The following MDH2 variants were observed in gnomAD, a reference collection of about 807,000 sequenced individuals.
MDH2 encodes malate dehydrogenase 2.
In MDH2, 25 loss-of-function variants were observed where a neutral mutation model predicts 33.6. The ratio of observed to expected loss-of-function variants is 0.74; its 90% CI spans 0.54 to 1.04. MDH2 has a LOEUF of 1.04. MDH2 is among the 50% of genes least tolerant of loss of function. The pLI is 0.00. For missense variants in MDH2, 432 were observed against 445.0 expected, an observed-to-expected ratio of 0.97 and a Z score of 0.26; for synonymous variants, 193 against 188.7, an observed-to-expected ratio of 1.02 and a Z score of -0.19.
In MDH2 at chr7:76,053,689, G is replaced by A. The variant is rs151236976; in HGVS notation, c.67-1141G>A. ...TGTCAGGCCCCAGATGACCACACAC[G>A]GTGCCGAGAGTTCCCGTGTCTGCCA... On this transcript the variant is annotated intron_variant, in intron 1 of 8. Coordinates refer to ENST00000315758, the MANE Select transcript of MDH2 (RefSeq NM_005918.4). Among the ~76,000 whole-genome samples, 238 of 152,200 alleles carry A rather than the reference G, an allele frequency of 1.6e-3. 10 individuals carry two copies. In the South Asian group the frequency reaches 0.04, roughly 26 times the overall value.
Position 76,066,517 on chromosome 7 carries a change from G to A in MDH2, c.*107G>A, listed in dbSNP as rs1798101784. 1.5e-6 allele frequency: 2 copies of A among 1,341,022 alleles called. No individual in the cohort carries two copies. Among genetic ancestry groups the A allele is most frequent in the Non-Finnish European group, 2.0e-6 (2 of 1,014,858 alleles). 83.1% of individuals were successfully genotyped at this position (1,341,022 alleles called of 1,614,324 possible). A position where few individuals can be genotyped will look rare whatever the true frequency, so the allele number is the denominator to read the frequency against. On this transcript the variant is annotated 3_prime_UTR_variant, in exon 9 of 9. Coordinates refer to ENST00000315758, the MANE Select transcript of MDH2 (RefSeq NM_005918.4). ...TTAATTTGCTTTGGTGATGATTACT[G>A]TATTGACATCATCATGCCTTCCAAA...
At chr7:76,048,398 G>A in intron 1 of MDH2, 172 bp downstream of exon 1, 1 of 1,168,464 alleles carries the variant, frequency 8.6e-7, no homozygotes, top group Non-Finnish European at 1.1e-6. Flanking sequence ...GCCTGGAGGT[G>A]CGGGGGAGAA....
chr7:76,060,024 A>G (rs1797902281), intron 4 of MDH2, among the ~76,000 whole-genome samples: 1 of 152,176 alleles, frequency 6.6e-6, no homozygotes, highest in African/African-American at 2.4e-5. Context: ...CTTGGAGCAC[A>G]CAGCCGCTGT....
At chr7:76,063,096 C>T (rs1797996691) in intron 5 of MDH2, among the ~76,000 whole-genome samples, 1 of 152,190 alleles carries the variant, frequency 6.6e-6, no homozygotes, top group Non-Finnish European at 1.5e-5. Flanking sequence ...TCTGTGGGGC[C>T]TGAAGAAAAG....
In MDH2 at chr7:76,066,331, A is replaced by G; in HGVS notation, c.938A>G (p.Glu313Gly). ...LGIGKVSSFE[E>G]KMISDAIPEL... is the part of the protein sequence containing the mutation. ...ATCGGCAAAGTCTCCTCTTTTGAGG[A>G]GAAGATGATCTCGGATGCCATCCCC... Residue 313 changes from glutamate (E) to glycine (G), a missense_variant, in exon 9 of 9, where the codon GAG becomes GGG. Transcript: ENST00000315758. The G allele has an allele frequency of 6.2e-7, 1 of 1,611,406 alleles. No homozygotes were observed. The highest frequency in any genetic ancestry group is 8.5e-7 in the Non-Finnish European group (1 of 1,179,266).
chr7:76,048,810 G>C, intron 1 of MDH2: 1 of 1,218,582 alleles, frequency 8.2e-7, no homozygotes. Context: ...TGAGCCTGCC[G>C]CCAGGTGTCT....
At chr7:76,060,731 G>A (rs1294582323) in intron 5 of MDH2, among the ~76,000 whole-genome samples, 2 of 151,870 alleles carry the variant, frequency 1.3e-5, no homozygotes, top group African/African-American at 2.4e-5. Flanking sequence ...CCCGGCTCTC[G>A]CTGTCTTCCT....
chr7:76,064,552 T>C, intron 7 of MDH2, 114 bp downstream of exon 7: 1 of 1,032,194 alleles, frequency 9.7e-7, no homozygotes, highest in Non-Finnish European at 1.4e-6. Flanking sequence ...AGTGTTGATT[T>C]GCAGTTGCCT....
chr7:76,066,564 C>T lies in MDH2; in HGVS notation c.*154C>T. ...CAAATTGTGGGTGGCTCTGTGGGCG[C>T]ATCAATAAAAGCCGTCCTTGATTTT... On this transcript the variant is annotated 3_prime_UTR_variant, in exon 9 of 9. Transcript: ENST00000315758. The T allele has an allele frequency of 4.4e-6, 4 of 918,488 alleles. No individual in the cohort carries two copies. The highest frequency in any genetic ancestry group is 2.8e-5 in the South Asian group (1 of 36,192). The allele number at this position is 918,488 out of a possible 1,614,324, so 56.9% of individuals were successfully genotyped here.
At chr7:76,055,240 AAGT>A (rs1554586081) in intron 2 of MDH2, among the ~76,000 whole-genome samples, 4 of 152,124 alleles carry the variant, frequency 2.6e-5, no homozygotes, top group Non-Finnish European at 4.4e-5. Flanking sequence ...CTAATTTGAA[AAGT>A]AGTATGAGGA....
At chr7:76,053,360 G>A (rs1402671522) in intron 1 of MDH2, among the ~76,000 whole-genome samples, 2 of 152,164 alleles carry the variant, frequency 1.3e-5, no homozygotes, top group Non-Finnish European at 2.9e-5. Context: ...CAAGATGTGG[G>A]AGTGAGAGCT....
At position 76,063,549 on chromosome 7, in the gene MDH2, T is replaced by C. The variant is rs782587997; in HGVS notation, c.590T>C (p.Ile197Thr). The change falls in exon 6 of 9, where the codon ATT (isoleucine) becomes ACT (threonine). Residue 197 changes from isoleucine (I) to threonine (T), a missense_variant. Ile to Thr is a moderately conservative substitution (Grantham distance 89). Coordinates refer to ENST00000315758, the MANE Select transcript of MDH2 (RefSeq NM_005918.4). ...LDPARVNVPV[I>T]GGHAGKTIIP... is the part of the protein sequence containing the mutation. ...CCAGCTCGAGTCAACGTCCCTGTCA[T>C]TGGTGGCCATGCTGGGAAGACCATC... 5.6e-6 allele frequency: 9 copies of C among 1,614,098 alleles called. No homozygotes were observed. In the Admixed American group the frequency reaches 8.3e-5, roughly 15 times the overall value.
At chr7:76,063,199 G>A (rs915275536) in intron 5 of MDH2, among the ~76,000 whole-genome samples, 1 of 152,212 alleles carries the variant, frequency 6.6e-6, no homozygotes, top group Non-Finnish European at 1.5e-5. Flanking sequence ...CCCGGGGGGG[G>A]CCTCCACAGG....
At chr7:76,064,473 G>C (rs782568577) in intron 7 of MDH2, 35 bp downstream of exon 7, 2 of 1,553,960 alleles carry the variant, frequency 1.3e-6, no homozygotes, top group South Asian at 1.1e-5. Flanking sequence ...CTGGGTGCCA[G>C]TGAGGCCCTG....
intron 5 of MDH2, among the ~76,000 whole-genome samples, chr7:76,061,985 G>A (rs555424862): frequency 6.6e-6 from 1 of 152,344 alleles, no homozygotes; most frequent in East Asian, 1.9e-4. Flanking sequence ...AGAAAGTCCT[G>A]TTAGGCAGTC....
chr7:76,058,856 G>GGT (rs1397929130), intron 4 of MDH2, among the ~76,000 whole-genome samples: 1 of 152,378 alleles, frequency 6.6e-6, no homozygotes, highest in East Asian at 1.9e-4. Flanking sequence ...GACTCAGGCA[G>GGT]GTGGTGTAGA....
chr7:76,049,867 C>T (rs782203300), intron 1 of MDH2, among the ~76,000 whole-genome samples: 7 of 152,122 alleles, frequency 4.6e-5, no homozygotes, highest in Non-Finnish European at 1.0e-4. Flanking sequence ...GTGCCTCGCC[C>T]TGTCGACAGG....
chr7:76,060,718 T>C (rs549869844), intron 5 of MDH2, among the ~76,000 whole-genome samples: 1 of 151,872 alleles, frequency 6.6e-6, no homozygotes, highest in Admixed American at 6.6e-5. Flanking sequence ...CCAGTGTCTG[T>C]CTCCCGGCTC....
intron 1 of MDH2, chr7:76,054,466 G>T: frequency 3.7e-6 from 1 of 268,732 alleles, no homozygotes; most frequent in Non-Finnish European, 7.1e-6. Context: ...CTCAGTTACC[G>T]GGAGGGCCTG....
Sources: gnomAD v4.1 joint callset for allele counts (sites outside exome capture counted in the v4.1 genomes callset) on GRCh38, gnomAD v4.1.1 for gene constraint, MANE v1.5 for transcripts, NCBI Gene and HGNC (gene_info 2026-07-23, HGNC 2026-07-21) for gene names.